NCALD: variants seen among roughly 807,000 people sequenced by gnomAD.
The protein encoded by NCALD is neurocalcin-delta.
In NCALD, 10 loss-of-function variants were observed where a neutral mutation model predicts 18.6. The ratio of observed to expected loss-of-function variants is 0.54; its 90% CI spans 0.33 to 0.91. The LOEUF is 0.91. Among genes scored for constraint, NCALD ranks in the 40% least tolerant of loss-of-function variants. NCALD has a pLI of 0.03. For synonymous variants in NCALD, 88 were observed against 87.4 expected (o/e 1.01, Z -0.04); for missense variants, 184 against 247.6 (o/e 0.74, Z 1.72).
chr8:101,919,631 T>A (rs1818093594), intron 2 of NCALD, among the ~76,000 whole-genome samples: 1 of 150,774 alleles, frequency 6.6e-6, no homozygotes, highest in Non-Finnish European at 1.5e-5. Context: ...AAACTATGCA[T>A]CCAACAAAGC....
At chr8:101,758,217 C>T (rs1205511191) in intron 1 of NCALD, among the ~76,000 whole-genome samples, 1 of 152,152 alleles carries the variant, frequency 6.6e-6, no homozygotes, top group Non-Finnish European at 1.5e-5. Context: ...TGGCCCCAGC[C>T]TGCCTTGCCT....
chr8:101,730,572 A>G (rs1816783760), intron 1 of NCALD, among the ~76,000 whole-genome samples: 1 of 151,864 alleles, frequency 6.6e-6, no homozygotes, highest in African/African-American at 2.4e-5. Context: ...AAATTGCTAA[A>G]TTTTCATTTA....
At chr8:101,739,930 T>C (rs902240830) in intron 1 of NCALD, among the ~76,000 whole-genome samples, 10 of 152,178 alleles carry the variant, frequency 6.6e-5, no homozygotes, top group African/African-American at 2.4e-4. Flanking sequence ...CCCTGACTAA[T>C]ACACCCTGCT....
At chr8:102,002,506 T>A (rs1821515816) in intron 2 of NCALD, among the ~76,000 whole-genome samples, 1 of 152,172 alleles carries the variant, frequency 6.6e-6, no homozygotes. Flanking sequence ...GGAATTGAAC[T>A]CGGCTCTGCA....
At chr8:101,836,470 G>C (rs1259794363) in intron 4 of NCALD, among the ~76,000 whole-genome samples, 1 of 152,162 alleles carries the variant, frequency 6.6e-6, no homozygotes, top group Non-Finnish European at 1.5e-5. Flanking sequence ...GCAGTTTTCT[G>C]TGTCTTGGGG....
At chr8:102,123,404 G>A (rs1825999651) in intron 1 of NCALD, among the ~76,000 whole-genome samples, 1 of 148,854 alleles carries the variant, frequency 6.7e-6, no homozygotes, top group Admixed American at 6.7e-5. Context: ...GCTCTGCAGA[G>A]CCAAATGGCA....
At chr8:101,690,795 G>T in intron 3 of NCALD, 1 of 985,384 alleles carries the variant, frequency 1.0e-6, no homozygotes, top group Non-Finnish European at 1.2e-6. Context: ...TAGTTACAAT[G>T]GTAATGACTT....
chr8:101,894,932 G>T (rs570650096), intron 3 of NCALD, among the ~76,000 whole-genome samples: 1 of 150,776 alleles, frequency 6.6e-6, no homozygotes, highest in African/African-American at 2.5e-5. Context: ...TCTACCAGAG[G>T]TACAAGGAGG....
chr8:102,062,012 G>A (rs894833100), intron 1 of NCALD, among the ~76,000 whole-genome samples: 3 of 152,204 alleles, frequency 2.0e-5, no homozygotes, highest in African/African-American at 4.8e-5. Context: ...TGATAATGGT[G>A]ACAACATCAC....
chr8:101,925,699 A>G (rs1818313397), intron 2 of NCALD, among the ~76,000 whole-genome samples: 2 of 152,238 alleles, frequency 1.3e-5, no homozygotes, highest in Non-Finnish European at 2.9e-5. Flanking sequence ...ACCAGCCCCT[A>G]GAACAGAACC....
chr8:102,086,910 T>C (rs1824756905), intron 1 of NCALD, among the ~76,000 whole-genome samples: 1 of 152,170 alleles, frequency 6.6e-6, no homozygotes, highest in African/African-American at 2.4e-5. Flanking sequence ...AGTGACTTGG[T>C]CGTCCTCACT....
chr8:102,112,533 T>C (rs1471979142), intron 1 of NCALD, among the ~76,000 whole-genome samples: 1 of 152,128 alleles, frequency 6.6e-6, no homozygotes, highest in Non-Finnish European at 1.5e-5. Context: ...TCAATACACA[T>C]TTAGCTATTG....
chr8:101,817,925 G>A (rs1294542055), intron 4 of NCALD, among the ~76,000 whole-genome samples: 1 of 152,152 alleles, frequency 6.6e-6, no homozygotes, highest in African/African-American at 2.4e-5. Context: ...AACAGCTGCG[G>A]GAAGGATAAA....
chr8:101,830,286 C>T (rs1814120084), intron 4 of NCALD, among the ~76,000 whole-genome samples: 2 of 152,096 alleles, frequency 1.3e-5, no homozygotes, highest in Non-Finnish European at 2.9e-5. Flanking sequence ...TTGGGCCAGG[C>T]ATGGTGGCTC....
intron 2 of NCALD, among the ~76,000 whole-genome samples, chr8:101,978,310 C>T (rs1238801754): frequency 6.6e-6 from 1 of 152,208 alleles, no homozygotes; most frequent in African/African-American, 2.4e-5. Context: ...CAAGGTCGAA[C>T]TATTTCCACA....
At chr8:101,812,581 CA>C (rs1048553257) in intron 4 of NCALD, among the ~76,000 whole-genome samples, 1 of 152,004 alleles carries the variant, frequency 6.6e-6, no homozygotes, top group African/African-American at 2.4e-5. Context: ...AGAGTCAAAA[CA>C]AAAATGGGAA....
At chr8:101,801,868 C>G (rs906817373) in intron 4 of NCALD, among the ~76,000 whole-genome samples, 1 of 151,442 alleles carries the variant, frequency 6.6e-6, no homozygotes, top group African/African-American at 2.4e-5. Flanking sequence ...GGGTTTCACC[C>G]TGTTAGCCAG....
chr8:101,932,371 A>T (rs1023822879), intron 2 of NCALD, among the ~76,000 whole-genome samples: 2 of 152,054 alleles, frequency 1.3e-5, no homozygotes, highest in Non-Finnish European at 1.5e-5. Flanking sequence ...AAATAATCAC[A>T]TCCCCATTCG....
chr8:101,688,920 G>C lies in NCALD; in HGVS notation c.*389C>G. 1.6e-6 allele frequency: 1 copy of C among 626,620 alleles called. No individual in the cohort carries two copies. Among genetic ancestry groups the C allele is most frequent in the South Asian group, 1.9e-5 (1 of 52,552 alleles). The allele number at this position is 626,620 out of a possible 1,614,324, so 38.8% of individuals were successfully genotyped here. The stretch of plus-strand genomic sequence containing the variant: ...GTGTGACAACAGATTCAGGTGGGGA[G>C]TTTTGTCTTTCAAACAAAAGCCCCT... On this transcript the variant is annotated 3_prime_UTR_variant, in exon 4 of 4. Transcript: ENST00000220931.
Sources: gnomAD v4.1 joint callset for allele counts (sites outside exome capture counted in the v4.1 genomes callset) on GRCh38, gnomAD v4.1.1 for gene constraint, MANE v1.5 for transcripts, NCBI Gene and HGNC (gene_info 2026-07-23, HGNC 2026-07-21) for gene names.